PTPRK: variants seen among roughly 807,000 people sequenced by gnomAD.
The protein encoded by PTPRK is protein tyrosine phosphatase receptor type K.
Under a neutral mutation model 178.0 loss-of-function variants are expected in PTPRK, and 75 were observed. The ratio of observed to expected loss-of-function variants is 0.42; its 90% CI spans 0.35 to 0.51. The LOEUF is 0.51. Ranked by LOEUF, PTPRK falls within the 20% of genes least tolerant of loss-of-function variation. The pLI is 0.02. For synonymous variants in PTPRK, 637 were observed against 620.6 expected (o/e 1.03, Z -0.39); for missense variants, 1,441 against 1,797.8 (o/e 0.80, Z 3.59).
At chr6:128,113,225 G>A (rs1790957267) in intron 7 of PTPRK, among the ~76,000 whole-genome samples, 1 of 151,836 alleles carries the variant, frequency 6.6e-6, no homozygotes, top group Non-Finnish European at 1.5e-5. Flanking sequence ...CTATGGTATT[G>A]AGCCAAGTAA....
At chr6:128,119,021 T>G (rs924746880) in intron 7 of PTPRK, among the ~76,000 whole-genome samples, 11 of 152,276 alleles carry the variant, frequency 7.2e-5, no homozygotes, top group South Asian at 6.2e-4. Flanking sequence ...ATTTAAATGC[T>G]CTAATAGCAT....
chr6:128,218,164 C>A (rs180926236), intron 6 of PTPRK, among the ~76,000 whole-genome samples: 2 of 152,132 alleles, frequency 1.3e-5, no homozygotes, highest in Non-Finnish European at 2.9e-5. Flanking sequence ...ATTTTTAACA[C>A]CTGTCTATAT....
chr6:128,398,137 T>C (rs1167892171), intron 1 of PTPRK, among the ~76,000 whole-genome samples: 1 of 151,806 alleles, frequency 6.6e-6, no homozygotes, highest in East Asian at 1.9e-4. Context: ...ACTGTGGGAG[T>C]GCGCGAGCAG....
intron 5 of PTPRK, among the ~76,000 whole-genome samples, chr6:128,228,490 C>CAAA (rs1173094515): frequency 0.019 from 1,443 of 74,950 alleles, 20 homozygotes; most frequent in African/African-American, 0.055. Context: ...ACTAAAAATA[C>CAAA]AAAAAAAAAA....
At chr6:128,379,852 T>G (rs1837630384) in intron 2 of PTPRK, among the ~76,000 whole-genome samples, 1 of 152,198 alleles carries the variant, frequency 6.6e-6, no homozygotes, top group Admixed American at 6.6e-5. Context: ...TGTCTGTTTA[T>G]TTTGTTATTT....
chr6:128,077,024 T>C (rs879937433), intron 11 of PTPRK, among the ~76,000 whole-genome samples: 1 of 152,032 alleles, frequency 6.6e-6, no homozygotes, highest in Admixed American at 6.6e-5. Flanking sequence ...TATAGTACAG[T>C]GATGCAAAAA....
At chr6:128,354,099 G>A (rs1173747165) in intron 2 of PTPRK, among the ~76,000 whole-genome samples, 1 of 151,694 alleles carries the variant, frequency 6.6e-6, no homozygotes, top group Non-Finnish European at 1.5e-5. Flanking sequence ...TGCTACCCTT[G>A]TTTTCTTGGT....
At position 127,985,748 on chromosome 6, in the gene PTPRK, C is replaced by G; in HGVS notation, c.3224G>C (p.Ser1075Thr). Reference protein sequence around the residue: ...IRRVKLSNPPSAGPIVVHCSA... With the variant: ...IRRVKLSNPPTAGPIVVHCSA... The stretch of plus-strand genomic sequence containing the variant: ...GCAATGTACAACGATGGGGCCAGCA[C>G]TGGGAGGGTTTGATAACTTGACTCG... Residue 1075 changes from serine (S) to threonine (T), a missense_variant, in exon 22 of 30, where the codon AGT (serine) becomes ACT (threonine). Around this residue, in one of 4 missense-constraint regions of PTPRK, gnomAD observed 335 missense variants for 512.4 expected, o/e 0.65. Transcript: ENST00000368226. 6.2e-7 allele frequency: 1 copy of G among 1,613,854 alleles called. No individual in the cohort carries two copies. The highest frequency in any genetic ancestry group is 8.5e-7 in the Non-Finnish European group (1 of 1,179,848).
At chr6:128,193,817 A>G (rs1020700067) in intron 6 of PTPRK, among the ~76,000 whole-genome samples, 2 of 152,128 alleles carry the variant, frequency 1.3e-5, no homozygotes, top group Non-Finnish European at 2.9e-5. Context: ...CCTGCTTGAA[A>G]TAAAAAGGCA....
rs1827168431 is a variant in PTPRK, at chr6:128,311,038, A to T, written c.495+11001T>A. On this transcript the variant is annotated intron_variant, in intron 3 of 29. Coordinates refer to ENST00000368226, the MANE Select transcript of PTPRK (RefSeq NM_002844.4). ...GATCCCAGCAGAAAGAACAAACTTA[A>T]ATGAACAAAATTTAGCAATTCTGTT... 2.6e-5 allele frequency among the ~76,000 whole-genome samples: 4 copies of T among 152,176 alleles called. 1 individual carries two copies. The South Asian group carries it at 8.3e-4, about 32-fold the overall frequency.
chr6:128,386,221 G>T (rs898735456), intron 2 of PTPRK, among the ~76,000 whole-genome samples: 2 of 151,742 alleles, frequency 1.3e-5, no homozygotes, highest in Non-Finnish European at 2.9e-5. Context: ...ACTAAGAATC[G>T]GCCTTTTCTT....
intron 24 of PTPRK, among the ~76,000 whole-genome samples, chr6:127,981,715 G>C (rs559033340): frequency 6.6e-6 from 1 of 152,244 alleles, no homozygotes; most frequent in South Asian, 2.1e-4. Flanking sequence ...CAAAGAATTT[G>C]GTCTCTGCCC....
chr6:128,405,665 G>A lies in PTPRK; in HGVS notation c.101-7977C>T, dbSNP rs1310331960. 6.6e-5 allele frequency among the ~76,000 whole-genome samples: 10 copies of A among 152,148 alleles called. No individual in the cohort carries two copies. In the East Asian group the frequency reaches 1.7e-3, roughly 27 times the overall value. On this transcript the variant is annotated intron_variant, in intron 1 of 29. Coordinates refer to ENST00000368226, the MANE Select transcript of PTPRK (RefSeq NM_002844.4). ...CTCCTGGAGAGATTACTGATTACTG[G>A]TGGGCTCCACTTCACCCATATGAGA...
In PTPRK at chr6:127,984,930, CCT is replaced by C. The variant is rs1775768780; in HGVS notation, c.3251+789_3251+790del. Among the ~76,000 whole-genome samples, 9 of 152,068 alleles carry C rather than the reference CCT, an allele frequency of 5.9e-5. No individual in the cohort carries two copies. The South Asian group carries it at 1.7e-3, about 28-fold the overall frequency. On this transcript the variant is annotated intron_variant, in intron 22 of 29. Transcript: ENST00000368226. ...TTACTTCATTCTCTGCTTTTTTTCC[CCT>C]CTTTTATACATGGTTATTTAAATCC...
intron 6 of PTPRK, among the ~76,000 whole-genome samples, chr6:128,186,760 T>A (rs1802833315): frequency 6.6e-6 from 1 of 152,138 alleles, no homozygotes; most frequent in Non-Finnish European, 1.5e-5. Context: ...TTTAAAAAGT[T>A]TTTGTAGAGA....
chr6:128,229,223 A>G (rs1197288846), intron 5 of PTPRK, among the ~76,000 whole-genome samples: 1 of 152,330 alleles, frequency 6.6e-6, no homozygotes, highest in South Asian at 2.1e-4. Context: ...CTGACAATGG[A>G]GCTTTAGTAC....
intron 13 of PTPRK, among the ~76,000 whole-genome samples, chr6:128,014,562 T>C (rs748105487): frequency 7.9e-5 from 12 of 151,652 alleles, no homozygotes; most frequent in Non-Finnish European, 1.5e-4. Context: ...GTAGAAATAG[T>C]AGTAGACGCT....
intron 12 of PTPRK, 93 bp from the exon 13 acceptor site, chr6:128,064,887 TC>T: frequency 7.5e-7 from 1 of 1,331,290 alleles, no homozygotes; most frequent in Non-Finnish European, 9.7e-7. Context: ...CCATCTGGGG[TC>T]ATAAAAAGGG....
intron 1 of PTPRK, among the ~76,000 whole-genome samples, chr6:128,453,530 G>A (rs1848046132): frequency 6.6e-6 from 1 of 152,094 alleles, no homozygotes; most frequent in African/African-American, 2.4e-5. Context: ...TTTTTTGGTT[G>A]CCTTTGGAGT....
Sources: allele counts gnomAD v4.1 joint callset (sites outside exome capture counted in the v4.1 genomes callset), GRCh38; gene constraint gnomAD v4.1.1; regional missense constraint gnomAD v4.1.1; transcripts MANE v1.5; gene names NCBI Gene and HGNC (gene_info 2026-07-23, HGNC 2026-07-21).